FAM83B: variants seen among roughly 807,000 people sequenced by gnomAD.
FAM83B encodes the protein protein FAM83B.
A neutral mutation model predicts 38.8 loss-of-function variants in FAM83B; 26 were observed. The ratio of observed to expected loss-of-function variants is 0.67; its 90% confidence interval spans 0.49 to 0.93. The LOEUF (loss-of-function observed/expected upper bound fraction) is 0.93, where lower values mean the gene tolerates loss of function less well. Ranked by LOEUF, FAM83B falls within the 40% of genes least tolerant of loss-of-function variation. FAM83B has a pLI of 0.00. For missense variants in FAM83B, 1,237 were observed against 1,197.3 expected (o/e 1.03, Z -0.49); for synonymous variants, 419 against 423.1 (o/e 0.99, Z 0.12).
At chr6:54,869,185 C>T (rs1048438915) in intron 1 of FAM83B, among the ~76,000 whole-genome samples, 1 of 152,158 alleles carries the variant, frequency 6.6e-6, no homozygotes, top group African/African-American at 2.4e-5. Context: ...AATTATCTTT[C>T]ATGTCTTAAA....
chr6:54,926,976 AC>A (rs1773304092), intron 3 of FAM83B, among the ~76,000 whole-genome samples: 1 of 151,940 alleles, frequency 6.6e-6, no homozygotes, highest in South Asian at 2.1e-4. Context: ...CTCGTGATCC[AC>A]CCAAAGTGGC....
upstream of FAM83B, among the ~76,000 whole-genome samples, chr6:54,846,305 A>T (rs1159803390): frequency 6.6e-6 from 1 of 151,996 alleles, no homozygotes; most frequent in African/African-American, 2.4e-5. Flanking sequence ...CCTTGCTCTC[A>T]CCCGCGGCCC....
chr6:54,852,013 C>T (rs1283019176), intron 1 of FAM83B, among the ~76,000 whole-genome samples: 1 of 145,332 alleles, frequency 6.9e-6, no homozygotes, highest in Non-Finnish European at 1.6e-5. Flanking sequence ...AAACTCCTGA[C>T]CTTGTGATCC....
rs543087485 is a variant in FAM83B at position 54,908,537 on chromosome 6, T to C, written c.445-17834T>C. The stretch of plus-strand genomic sequence containing the variant: ...TTCTAAATTAAAAATTTAAAAATTA[T>C]ATTTTATAATTTCTCATCCATAATG... On this transcript the variant is annotated intron_variant, in intron 2 of 4. Transcript: ENST00000306858. Among the ~76,000 whole-genome samples the C allele has an allele frequency of 9.8e-5, 15 of 152,292 alleles. No homozygotes were observed. The East Asian group carries it at 2.9e-3, about 29-fold the overall frequency.
chr6:54,858,030 G>A (rs972177183), intron 1 of FAM83B, among the ~76,000 whole-genome samples: 1 of 152,170 alleles, frequency 6.6e-6, no homozygotes, highest in African/African-American at 2.4e-5. Context: ...CTGGATATGT[G>A]AGTCTAGAGG....
intron 4 of FAM83B, among the ~76,000 whole-genome samples, chr6:54,939,349 T>G (rs1773600973): frequency 6.6e-6 from 1 of 152,150 alleles, no homozygotes; most frequent in South Asian, 2.1e-4. Flanking sequence ...TGCAGGCTCT[T>G]TTTTGGTTCC....
intron 1 of FAM83B, among the ~76,000 whole-genome samples, chr6:54,858,501 A>G (rs1312756879): frequency 2.0e-5 from 3 of 152,238 alleles, no homozygotes; most frequent in Non-Finnish European, 4.4e-5. Flanking sequence ...TGAAATATAT[A>G]GTTACTTCAA....
At chr6:54,907,299 C>T (rs1028907331) in intron 2 of FAM83B, among the ~76,000 whole-genome samples, 34 of 151,708 alleles carry the variant, frequency 2.2e-4, no homozygotes, top group Non-Finnish European at 3.2e-4. Context: ...TGCTATTTTT[C>T]GTAGATTGTT....
rs58597609 is a variant in FAM83B, at chr6:54,915,812, C to CAAAAAAAAAA, written c.445-10543_445-10534dup. ...TGGGCGACAGAGCGAGACTCCGTCT[C>CAAAAAAAAAA]AAAAAAAAAAAAAAAAAAAAAAAAA... On this transcript the variant is annotated intron_variant, in intron 2 of 4. Transcript: ENST00000306858. Among the ~76,000 whole-genome samples, 15 of 18,040 alleles carry CAAAAAAAAAA rather than the reference C, an allele frequency of 8.3e-4. 1 individual carries two copies. Among genetic ancestry groups the CAAAAAAAAAA allele is most frequent in the African/African-American group, 1.9e-3 (8 of 4,250 alleles). The allele number at this position is 18,040 out of a possible 152,430, so 11.8% of individuals were successfully genotyped here.
Position 54,870,207 on chromosome 6 carries a change from A to T in FAM83B, c.-40A>T. ...ACCAGATACTTCTCACCACTGCATG[A>T]ATGGACATTTGAAAGTGCCATAGCC... On this transcript the variant is annotated 5_prime_UTR_variant, in exon 2 of 5. Transcript: ENST00000306858. The T allele has an allele frequency of 6.7e-7, 1 of 1,502,886 alleles. No homozygotes were observed. Among genetic ancestry groups the T allele is most frequent in the South Asian group, 1.2e-5 (1 of 86,914 alleles). The allele number at this position is 1,502,886 out of a possible 1,614,324, so 93.1% of individuals were successfully genotyped here.
intron 1 of FAM83B, among the ~76,000 whole-genome samples, chr6:54,865,112 G>C (rs1157580549): frequency 6.6e-6 from 1 of 152,154 alleles, no homozygotes; most frequent in African/African-American, 2.4e-5. Context: ...CAGCTGCCTA[G>C]TGCAGCTGTA....
chr6:54,891,127 C>T (rs1012828082), intron 2 of FAM83B, among the ~76,000 whole-genome samples: 5 of 151,982 alleles, frequency 3.3e-5, no homozygotes, highest in Non-Finnish European at 1.5e-5. Context: ...TTTTTCTTGC[C>T]TTTTAACCAT....
intron 2 of FAM83B, 86 bp downstream of exon 2, chr6:54,870,776 A>C (rs532989273): frequency 8.0e-6 from 10 of 1,256,256 alleles, no homozygotes; most frequent in Admixed American, 2.7e-5. Context: ...ATGTTAATAA[A>C]AGAATCTCTA....
intron 2 of FAM83B, among the ~76,000 whole-genome samples, chr6:54,878,073 C>G (rs568996373): frequency 6.6e-6 from 1 of 152,062 alleles, no homozygotes; most frequent in African/African-American, 2.4e-5. Context: ...AAAGGAAATG[C>G]GTTTCTGAGT....
At chr6:54,881,073 C>A (rs1452509861) in intron 2 of FAM83B, among the ~76,000 whole-genome samples, 3 of 152,164 alleles carry the variant, frequency 2.0e-5, no homozygotes, top group Non-Finnish European at 4.4e-5. Flanking sequence ...GTTTCTTGTA[C>A]TGAAATGCAA....
intron 2 of FAM83B, among the ~76,000 whole-genome samples, chr6:54,899,241 G>T (rs1421187042): frequency 6.6e-6 from 1 of 152,146 alleles, no homozygotes; most frequent in Non-Finnish European, 1.5e-5. Flanking sequence ...TTTTTGAAGG[G>T]TGTTACATAT....
At chr6:54,887,154 C>T (rs1772296945) in intron 2 of FAM83B, among the ~76,000 whole-genome samples, 1 of 137,166 alleles carries the variant, frequency 7.3e-6, no homozygotes, top group Non-Finnish European at 1.5e-5. Context: ...ATTTGAAAAA[C>T]ATAATTAACC....
intron 2 of FAM83B, among the ~76,000 whole-genome samples, chr6:54,911,321 A>G (rs1772905561): frequency 6.6e-6 from 1 of 151,976 alleles, no homozygotes; most frequent in Non-Finnish European, 1.5e-5. Context: ...AAACAAAAGC[A>G]AAGGCAGTCT....
intron 2 of FAM83B, among the ~76,000 whole-genome samples, chr6:54,872,938 T>G (rs1771892857): frequency 6.6e-6 from 1 of 151,986 alleles, no homozygotes; most frequent in African/African-American, 2.4e-5. Context: ...TCTTGTAAAC[T>G]GAGTATACTG....
Sources: gnomAD v4.1 joint callset for allele counts (sites outside exome capture counted in the v4.1 genomes callset) on GRCh38, gnomAD v4.1.1 for gene constraint, MANE v1.5 for transcripts, NCBI Gene and HGNC (gene_info 2026-07-23, HGNC 2026-07-21) for gene names.